The following LOXL2 variants were observed in gnomAD, a reference collection of about 807,000 sequenced individuals.
The protein encoded by LOXL2 is lysyl oxidase homolog 2.
A neutral mutation model predicts 93.0 loss-of-function variants in LOXL2; 70 were observed. The ratio of observed to expected loss-of-function variants is 0.75; its 90% CI spans 0.62 to 0.92. The LOEUF is 0.92. LOXL2 is among the 40% of genes least tolerant of loss of function. The pLI is 0.00. For missense variants in LOXL2, 973 were observed against 1,054.9 expected (o/e 0.92, Z 1.08); for synonymous variants, 438 against 413.2 (o/e 1.06, Z -0.73).
At chr8:23,370,950 CAAA>C (rs778297608) in intron 1 of LOXL2, 1 of 152,146 alleles carries the variant, frequency 6.6e-6, no homozygotes, top group African/African-American at 2.4e-5. Context: ...TCCAGAATGA[CAAA>C]AGACATCAAG....
intron 6 of LOXL2, among the ~76,000 whole-genome samples, chr8:23,325,745 T>C (rs1350183862): frequency 2.0e-5 from 3 of 152,160 alleles, no homozygotes; most frequent in African/African-American, 7.2e-5. Flanking sequence ...GACACAGAGA[T>C]AAAGACACAG....
At chr8:23,332,267 CACAT>C (rs1278032265) in intron 5 of LOXL2, among the ~76,000 whole-genome samples, 1 of 28,106 alleles carries the variant, frequency 3.6e-5, no homozygotes, top group Non-Finnish European at 8.3e-5. Flanking sequence ...ACACCACCCA[CACAT>C]ACACACAACC....
At chr8:23,310,248 G>A (rs936260929) in intron 9 of LOXL2, among the ~76,000 whole-genome samples, 1 of 152,144 alleles carries the variant, frequency 6.6e-6, no homozygotes, top group Non-Finnish European at 1.5e-5. Flanking sequence ...GAGCACGTGG[G>A]GGTTGATTAT....
At chr8:23,299,062 A>G (rs1265970472) in intron 12 of LOXL2, 115 bp from the exon 13 acceptor site, 3 of 663,070 alleles carry the variant, frequency 4.5e-6, no homozygotes, top group Non-Finnish European at 8.3e-6. Flanking sequence ...AGGTGCCGGG[A>G]CCCAAGACGG....
At chr8:23,354,248 G>C (rs151333703) in intron 3 of LOXL2, among the ~76,000 whole-genome samples, 4 of 152,150 alleles carry the variant, frequency 2.6e-5, no homozygotes, top group African/African-American at 9.7e-5. Flanking sequence ...CAATCTCCAG[G>C]GGTTAATGAG....
intron 1 of LOXL2, among the ~76,000 whole-genome samples, chr8:23,381,336 C>G (rs371397144): frequency 6.6e-6 from 1 of 152,086 alleles, no homozygotes; most frequent in East Asian, 1.9e-4. Context: ...GTATAAATTC[C>G]TAAAAGTGAA....
At chr8:23,376,530 G>A (rs893077195) in intron 1 of LOXL2, among the ~76,000 whole-genome samples, 4 of 152,112 alleles carry the variant, frequency 2.6e-5, no homozygotes, top group Non-Finnish European at 4.4e-5. Flanking sequence ...GCTCCTCCTT[G>A]TACCTCTGGT....
At chr8:23,403,493 G>A (rs1191728856) in intron 1 of LOXL2, among the ~76,000 whole-genome samples, 1 of 152,004 alleles carries the variant, frequency 6.6e-6, no homozygotes, top group Non-Finnish European at 1.5e-5. Flanking sequence ...AGCCCAGCAC[G>A]CTCTACATCC....
At chr8:23,370,963 G>A (rs908878628) in intron 1 of LOXL2, 1 of 152,186 alleles carries the variant, frequency 6.6e-6, no homozygotes, top group African/African-American at 2.4e-5. Context: ...AAGACATCAA[G>A]CCCACACAGT....
chr8:23,397,414 G>A lies in LOXL2; in HGVS notation c.-84+6540C>T, dbSNP rs190345736. ...AAAAGCAACCCAAAAAGCCTATGTGGGTATATACTTAGGATCATGTGATTT... is the reference window on the plus strand; with the variant it reads ...AAAAGCAACCCAAAAAGCCTATGTGAGTATATACTTAGGATCATGTGATTT... On this transcript the variant is annotated intron_variant, in intron 1 of 13. Transcript: ENST00000389131. Among the ~76,000 whole-genome samples, 271 of 152,180 alleles carry A rather than the reference G, an allele frequency of 1.8e-3. 2 individuals carry two copies. Among genetic ancestry groups the A allele is most frequent in the African/African-American group, 6.2e-3 (258 of 41,510 alleles).
At chr8:23,323,375 G>T (rs1266053978) in intron 6 of LOXL2, among the ~76,000 whole-genome samples, 1 of 152,160 alleles carries the variant, frequency 6.6e-6, no homozygotes, top group Admixed American at 6.5e-5. Context: ...AAACGCCCAC[G>T]CTCTCCTCCC....
intron 5 of LOXL2, among the ~76,000 whole-genome samples, chr8:23,330,615 C>T (rs1803659766): frequency 6.6e-6 from 1 of 152,064 alleles, no homozygotes. Context: ...TGATGTAAGG[C>T]ACGCTCGCTC....
At chr8:23,385,639 A>G (rs1804748714) in intron 1 of LOXL2, 3 of 393,780 alleles carry the variant, frequency 7.6e-6, no homozygotes, top group Non-Finnish European at 1.4e-5. Context: ...GATCAGTATC[A>G]ATCAGCATGT....
rs540124246 is a variant in LOXL2, at chr8:23,337,538, C to T, written c.743+3454G>A. ...CACAACAGAGGCAGGGTCAGCATTT[C>T]TACTCACTCACTGTGGGCCACACTT... On this transcript the variant is annotated intron_variant, in intron 4 of 13. Coordinates refer to ENST00000389131, the MANE Select transcript of LOXL2 (RefSeq NM_002318.3). The T allele has an allele frequency of 2.6e-5, 4 of 152,320 alleles. No individual in the cohort carries two copies. In the East Asian group the frequency reaches 7.7e-4, roughly 29 times the overall value. The allele number at this position is 152,320 out of a possible 1,614,324, so 9.4% of individuals were successfully genotyped here.
chr8:23,397,778 CAAAAA>C (rs57059999), intron 1 of LOXL2, among the ~76,000 whole-genome samples: 1 of 90,764 alleles, frequency 1.1e-5, no homozygotes, highest in Non-Finnish European at 2.2e-5. Flanking sequence ...GACTCTGTCT[CAAAAA>C]AAAAAAAAAA....
intron 5 of LOXL2, chr8:23,329,203 G>A (rs1333151379): frequency 6.6e-6 from 1 of 152,312 alleles, no homozygotes; most frequent in Non-Finnish European, 1.5e-5. Flanking sequence ...ATACAGCCAT[G>A]ACTCAGAGAA....
At chr8:23,325,545 G>A (rs1803564675) in intron 6 of LOXL2, among the ~76,000 whole-genome samples, 1 of 152,162 alleles carries the variant, frequency 6.6e-6, no homozygotes, top group African/African-American at 2.4e-5. Context: ...TCCTGCCTCT[G>A]CTTCCCAAAG....
intron 10 of LOXL2, among the ~76,000 whole-genome samples, chr8:23,308,974 A>G (rs1803276738): frequency 7.0e-6 from 1 of 143,638 alleles, no homozygotes; most frequent in Non-Finnish European, 1.5e-5. Flanking sequence ...TACGTGGAAT[A>G]TATATATATA....
chr8:23,353,874 A>T (rs982507774), intron 3 of LOXL2, among the ~76,000 whole-genome samples: 15 of 152,336 alleles, frequency 9.8e-5, no homozygotes, highest in African/African-American at 3.4e-4. Context: ...CTCACTCGAC[A>T]CTTGCCCAGT....
Sources: gnomAD v4.1 joint callset for allele counts (sites outside exome capture counted in the v4.1 genomes callset) on GRCh38, gnomAD v4.1.1 for gene constraint, MANE v1.5 for transcripts, NCBI Gene and HGNC (gene_info 2026-07-23, HGNC 2026-07-21) for gene names.